ZNF644: variants seen among roughly 807,000 people sequenced by gnomAD.
The protein encoded by ZNF644 is zinc finger motif enhancer binding protein 2.
A neutral mutation model predicts 108.0 loss-of-function variants in ZNF644; 20 were observed. That is an observed-to-expected ratio of 0.19 (90% confidence interval 0.13 to 0.27). The LOEUF is 0.27. ZNF644 is among the 10% of genes least tolerant of loss of function. The pLI, the probability that ZNF644 is intolerant of heterozygous loss-of-function variation, is 1.00. For synonymous variants in ZNF644, 542 were observed against 539.1 expected (o/e 1.01, Z -0.08); for missense variants, 1,338 against 1,548.9 (o/e 0.86, Z 2.29).
intron 1 of ZNF644, among the ~76,000 whole-genome samples, chr1:91,019,603 G>A (rs1480716535): frequency 6.6e-6 from 1 of 152,090 alleles, no homozygotes; most frequent in African/African-American, 2.4e-5. Flanking sequence ...ATGTAGTCTT[G>A]CTGTGTCACC....
At chr1:91,000,805 A>T (rs1265317052) in intron 1 of ZNF644, among the ~76,000 whole-genome samples, 2 of 152,216 alleles carry the variant, frequency 1.3e-5, no homozygotes, top group African/African-American at 2.4e-5. Context: ...AATAAAGAAG[A>T]AAAGAGAGAA....
chr1:90,990,813 C>T (rs950509604), intron 1 of ZNF644, among the ~76,000 whole-genome samples: 1 of 152,114 alleles, frequency 6.6e-6, no homozygotes, highest in Admixed American at 6.5e-5. Context: ...TCCTGATTCA[C>T]GTTAACACCA....
intron 2 of ZNF644, among the ~76,000 whole-genome samples, chr1:90,943,115 T>C (rs966376668): frequency 1.3e-5 from 2 of 152,184 alleles, no homozygotes; most frequent in African/African-American, 4.8e-5. Flanking sequence ...ATTTCATGCT[T>C]TGTAAAACAT....
chr1:90,986,220 C>G (rs1249201366), intron 1 of ZNF644, among the ~76,000 whole-genome samples: 1 of 151,874 alleles, frequency 6.6e-6, no homozygotes, highest in African/African-American at 2.4e-5. Context: ...AAACCCATAA[C>G]CACAGTCTGA....
At chr1:90,932,785 G>T (rs1043086232) in intron 4 of ZNF644, among the ~76,000 whole-genome samples, 1 of 151,484 alleles carries the variant, frequency 6.6e-6, no homozygotes, top group African/African-American at 2.4e-5. Flanking sequence ...TTTTAATGAG[G>T]GAAAAAATGT....
At chr1:91,002,814 A>G (rs993008423) in intron 1 of ZNF644, among the ~76,000 whole-genome samples, 2 of 152,244 alleles carry the variant, frequency 1.3e-5, no homozygotes, top group African/African-American at 2.4e-5. Flanking sequence ...ATCTATAATG[A>G]ACTCAAACAA....
At chr1:90,986,775 G>A (rs1009032254) in intron 1 of ZNF644, among the ~76,000 whole-genome samples, 1 of 151,520 alleles carries the variant, frequency 6.6e-6, no homozygotes, top group Non-Finnish European at 1.5e-5. Context: ...TATATAAAAG[G>A]TAGGTCACAA....
chr1:90,966,547 C>T (rs1192068916), intron 2 of ZNF644, among the ~76,000 whole-genome samples: 1 of 151,782 alleles, frequency 6.6e-6, no homozygotes, highest in Non-Finnish European at 1.5e-5. Context: ...GTCAGGAGTT[C>T]GAGACCAGCC....
rs141463276 is a variant in ZNF644, at chr1:90,960,061, T to C, written c.45-18752A>G. Among the ~76,000 whole-genome samples, 477 of 152,274 alleles carry C rather than the reference T, an allele frequency of 3.1e-3. 2 individuals are homozygous for C. Among genetic ancestry groups the C allele is most frequent in the African/African-American group, 0.011 (443 of 41,572 alleles). Reference sequence around the variant, plus strand: ...ATCATCTTGGTTATCAGATTGACTGTCATGATATTGCAGTACTTTTGTTCA... The same window carrying C: ...ATCATCTTGGTTATCAGATTGACTGCCATGATATTGCAGTACTTTTGTTCA... On this transcript the variant is annotated intron_variant, in intron 2 of 5. Coordinates refer to ENST00000337393, the MANE Select transcript of ZNF644 (RefSeq NM_201269.3).
intron 1 of ZNF644, among the ~76,000 whole-genome samples, chr1:91,013,879 T>C (rs1320473915): frequency 4.6e-5 from 7 of 152,206 alleles, no homozygotes; most frequent in Non-Finnish European, 7.3e-5. Context: ...AATAATAGTA[T>C]TTAGATACTG....
intron 2 of ZNF644, among the ~76,000 whole-genome samples, chr1:90,949,507 C>T (rs1228051025): frequency 6.6e-6 from 1 of 152,056 alleles, no homozygotes; most frequent in Non-Finnish European, 1.5e-5. Context: ...TAGTGTGCTT[C>T]TCTCTCACAT....
At chr1:90,949,594 G>T (rs1315841865) in intron 2 of ZNF644, among the ~76,000 whole-genome samples, 2 of 150,954 alleles carry the variant, frequency 1.3e-5, no homozygotes, top group African/African-American at 4.9e-5. Context: ...CAGATCAAAA[G>T]AAATAAAAAA....
intron 1 of ZNF644, among the ~76,000 whole-genome samples, chr1:90,998,181 C>G (rs1404270559): frequency 2.0e-5 from 3 of 152,184 alleles, no homozygotes; most frequent in African/African-American, 7.2e-5. Context: ...CCTTGTCTGA[C>G]AGCTTTGAAG....
At chr1:91,006,955 T>C (rs984788990) in intron 1 of ZNF644, among the ~76,000 whole-genome samples, 11 of 152,318 alleles carry the variant, frequency 7.2e-5, no homozygotes, top group Admixed American at 5.2e-4. Context: ...ATGAATAGTT[T>C]GGAAATAACT....
intron 1 of ZNF644, among the ~76,000 whole-genome samples, chr1:90,994,759 G>C (rs1187835682): frequency 2.6e-5 from 4 of 152,146 alleles, no homozygotes; most frequent in Admixed American, 6.5e-5. Context: ...ATTCCGAGAA[G>C]CAAGAAAACC....
At chr1:91,010,293 C>T (rs1659840921) in intron 1 of ZNF644, among the ~76,000 whole-genome samples, 1 of 146,090 alleles carries the variant, frequency 6.8e-6, no homozygotes, top group Admixed American at 7.0e-5. Flanking sequence ...AGGCTGAGTG[C>T]AGTGGCACAA....
At chr1:90,992,692 C>G (rs1657760958) in intron 1 of ZNF644, among the ~76,000 whole-genome samples, 1 of 152,084 alleles carries the variant, frequency 6.6e-6, no homozygotes, top group Non-Finnish European at 1.5e-5. Flanking sequence ...TGTGAATAGC[C>G]CAATTCTGTT....
intron 2 of ZNF644, among the ~76,000 whole-genome samples, chr1:90,953,474 G>A (rs1296780581): frequency 1.3e-5 from 2 of 151,610 alleles, no homozygotes; most frequent in Admixed American, 6.6e-5. Context: ...GCAAACCACC[G>A]TGGCACACAT....
intron 2 of ZNF644, among the ~76,000 whole-genome samples, chr1:90,955,501 T>C (rs1452843648): frequency 1.3e-5 from 2 of 152,238 alleles, no homozygotes; most frequent in Non-Finnish European, 2.9e-5. Flanking sequence ...TTGTCAGAGC[T>C]AGATCTCCTC....
Sources: gnomAD v4.1 joint callset for allele counts (sites outside exome capture counted in the v4.1 genomes callset) on GRCh38, gnomAD v4.1.1 for gene constraint, MANE v1.5 for transcripts, NCBI Gene and HGNC (gene_info 2026-07-23, HGNC 2026-07-21) for gene names.